FLT1: variants seen among roughly 807,000 people sequenced by gnomAD.
FLT1 encodes fms related receptor tyrosine kinase 1.
FLT1 carries 49 observed loss-of-function variants against 156.3 expected under a neutral mutation model. That is an observed-to-expected ratio of 0.31 (90% CI 0.25 to 0.40). FLT1 has a LOEUF of 0.40. FLT1 is among the 10% of genes least tolerant of loss of function. FLT1 has a pLI of 1.00. For synonymous variants in FLT1, 594 were observed against 583.8 expected (o/e 1.02, Z -0.25); for missense variants, 1,322 against 1,637.2 (o/e 0.81, Z 3.32).
chr13:28,335,526 C>G (rs1041996671), intron 17 of FLT1, among the ~76,000 whole-genome samples: 21 of 152,290 alleles, frequency 1.4e-4, no homozygotes, highest in African/African-American at 3.9e-4. Flanking sequence ...TGCCCAACTA[C>G]TCAGTGACAA....
At chr13:28,485,806 G>A (rs1007057829) in intron 1 of FLT1, among the ~76,000 whole-genome samples, 21 of 152,150 alleles carry the variant, frequency 1.4e-4, no homozygotes, top group African/African-American at 4.8e-4. Context: ...GCTGCCCCCA[G>A]GGAAAGGAAG....
At chr13:28,406,716 G>A (rs73453267) in intron 10 of FLT1, among the ~76,000 whole-genome samples, 15,598 of 152,000 alleles carry the variant, frequency 0.1, 918 homozygotes, top group African/African-American at 0.15. Flanking sequence ...TGCAATCATA[G>A]GTCACTGCAG....
chr13:28,393,400 C>T (rs1361725566), intron 12 of FLT1, among the ~76,000 whole-genome samples: 1 of 152,024 alleles, frequency 6.6e-6, no homozygotes, highest in Non-Finnish European at 1.5e-5. Flanking sequence ...CTACTGCCAC[C>T]GAAGAGTGGA....
intron 3 of FLT1, among the ~76,000 whole-genome samples, chr13:28,440,120 C>A (rs982742054): frequency 6.6e-6 from 1 of 152,170 alleles, no homozygotes; most frequent in Non-Finnish European, 1.5e-5. Context: ...TCCACCCTAG[C>A]CCACATTAGG....
At chr13:28,303,945 G>A (rs1037951759) in intron 29 of FLT1, among the ~76,000 whole-genome samples, 12 of 152,196 alleles carry the variant, frequency 7.9e-5, no homozygotes, top group African/African-American at 2.7e-4. Context: ...CTTATCACCA[G>A]CAAGGCTCAA....
intron 4 of FLT1, among the ~76,000 whole-genome samples, chr13:28,437,513 C>T (rs538988150): frequency 5.9e-5 from 9 of 152,266 alleles, no homozygotes; most frequent in African/African-American, 1.9e-4. Context: ...CACAGTTTTC[C>T]GTTTGGGGAG....
intron 16 of FLT1, among the ~76,000 whole-genome samples, chr13:28,343,600 C>A (rs544498210): frequency 4.0e-5 from 6 of 151,680 alleles, no homozygotes; most frequent in African/African-American, 1.5e-4. Context: ...TGGGCCACCA[C>A]GCGCGGCCTG....
chr13:28,319,246 G>C (rs1203096616), intron 24 of FLT1, among the ~76,000 whole-genome samples, 177 bp downstream of exon 24: 1 of 152,178 alleles, frequency 6.6e-6, no homozygotes. Flanking sequence ...TTTTACAGTA[G>C]AGGGCAGACA....
chr13:28,411,426 A>G (rs751988069), intron 10 of FLT1, among the ~76,000 whole-genome samples: 6 of 151,616 alleles, frequency 4.0e-5, no homozygotes, highest in Non-Finnish European at 8.8e-5. Flanking sequence ...GGTGGCCTGC[A>G]GTCCAGCTAC....
intron 1 of FLT1, among the ~76,000 whole-genome samples, chr13:28,482,176 G>A (rs1053344538): frequency 4.6e-5 from 7 of 152,124 alleles, no homozygotes; most frequent in African/African-American, 9.7e-5. Context: ...AGACCTCGCC[G>A]GGTGTGGTGG....
At chr13:28,356,473 A>G (rs1872903934) in intron 15 of FLT1, among the ~76,000 whole-genome samples, 1 of 152,220 alleles carries the variant, frequency 6.6e-6, no homozygotes, top group Non-Finnish European at 1.5e-5. Context: ...ACCATTACTA[A>G]AGGTATTTGG....
At chr13:28,399,500 T>C (rs1875293690) in intron 11 of FLT1, among the ~76,000 whole-genome samples, 2 of 152,050 alleles carry the variant, frequency 1.3e-5, no homozygotes, top group Admixed American at 1.3e-4. Context: ...AAGAACTGGG[T>C]TTCGTGGCAA....
At chr13:28,317,242 A>G (rs1871246892) in intron 25 of FLT1, among the ~76,000 whole-genome samples, 1 of 152,226 alleles carries the variant, frequency 6.6e-6, no homozygotes, top group African/African-American at 2.4e-5. Flanking sequence ...GTTCCCAGCT[A>G]GAGCCCTTGA....
intron 10 of FLT1, among the ~76,000 whole-genome samples, chr13:28,416,397 T>C (rs1876649730): frequency 6.6e-6 from 1 of 152,222 alleles, no homozygotes; most frequent in Non-Finnish European, 1.5e-5. Flanking sequence ...TTTTAATGTC[T>C]AAGTAGTTGT....
chr13:28,476,495 T>C (rs1399855993), intron 1 of FLT1, among the ~76,000 whole-genome samples: 1 of 152,252 alleles, frequency 6.6e-6, no homozygotes, highest in Non-Finnish European at 1.5e-5. Context: ...AGGCAGCTGC[T>C]GTCCAGCAAC....
chr13:28,327,040 T>C (rs964130003), intron 20 of FLT1, among the ~76,000 whole-genome samples: 1 of 152,242 alleles, frequency 6.6e-6, no homozygotes, highest in Non-Finnish European at 1.5e-5. Context: ...GTCAAGTCAC[T>C]CAGTTGATTT....
intron 10 of FLT1, among the ~76,000 whole-genome samples, chr13:28,426,174 T>C (rs1877332358): frequency 6.6e-6 from 1 of 150,572 alleles, no homozygotes; most frequent in African/African-American, 2.5e-5. Flanking sequence ...CTGAACACTC[T>C]GCAAGTGGAG....
intron 4 of FLT1, among the ~76,000 whole-genome samples, chr13:28,436,797 T>G (rs1196996288): frequency 6.6e-6 from 1 of 152,232 alleles, no homozygotes; most frequent in East Asian, 1.9e-4. Context: ...TAGATACTGT[T>G]CTAAGTGCTT....
At chr13:28,417,191 T>A (rs1014314531) in intron 10 of FLT1, among the ~76,000 whole-genome samples, 2 of 152,068 alleles carry the variant, frequency 1.3e-5, no homozygotes, top group African/African-American at 2.4e-5. Flanking sequence ...ACTGAAAAAA[T>A]TTCACATCAG....
Sources: allele counts gnomAD v4.1 joint callset (sites outside exome capture counted in the v4.1 genomes callset), GRCh38; gene constraint gnomAD v4.1.1; transcripts MANE v1.5; gene names NCBI Gene and HGNC (gene_info 2026-07-23, HGNC 2026-07-21).